OSBPL3: variants seen among roughly 807,000 people sequenced by gnomAD.
OSBPL3 encodes the protein oxysterol-binding protein-related protein 3.
A neutral mutation model predicts 120.1 loss-of-function variants in OSBPL3; 65 were observed. The ratio of observed to expected loss-of-function variants is 0.54; its 90% CI spans 0.44 to 0.67. The LOEUF (loss-of-function observed/expected upper bound fraction) is 0.67, where lower values mean the gene tolerates loss of function less well. Ranked by LOEUF, OSBPL3 falls within the 30% of genes least tolerant of loss-of-function variation. The probability of loss-of-function intolerance (pLI) is 0.00; values close to 1 mark genes in which losing one functional copy is unlikely to be tolerated. For synonymous variants in OSBPL3, 416 were observed against 402.6 expected (o/e 1.03, Z -0.40); for missense variants, 1,004 against 1,082.1 (o/e 0.93, Z 1.01).
At chr7:24,870,683 G>T in intron 5 of OSBPL3, 49 bp downstream of exon 5, 1 of 1,140,438 alleles carries the variant, frequency 8.8e-7, no homozygotes, top group Non-Finnish European at 1.3e-6. Context: ...AATAACTGAT[G>T]ATACTTCCCC....
chr7:24,981,151 A>G (rs1489240401), upstream of OSBPL3, among the ~76,000 whole-genome samples: 1 of 152,170 alleles, frequency 6.6e-6, no homozygotes, highest in Non-Finnish European at 1.5e-5. This position sits in a 1 kb window ranked among gnomAD's most constrained non-coding sequence, Gnocchi z 7.3. Context: ...AAGAGAAAAT[A>G]CATATCTATG....
rs749326073 is a variant in OSBPL3, at chr7:24,809,878, C to A, written c.2246G>T (p.Arg749Leu). ...GCTTTCATGCCATTTCCCAAACAGC[C>A]GATGAACCGCTTTTCCACTCCTGTC... ...VFDRSGKAVH[R>L]LFGKWHESIY... Residue 749 changes from arginine to leucine, a missense_variant, in exon 20 of 23, where the codon CGG (arginine) becomes CTG (leucine). Physicochemically the swap from Arg to Leu is moderately radical, Grantham distance 102. Around this residue, in one of 4 missense-constraint regions of OSBPL3, gnomAD observed 473 missense variants for 568.0 expected, o/e 0.83. Coordinates refer to ENST00000313367, the MANE Select transcript of OSBPL3 (RefSeq NM_015550.4). 3 of 1,614,006 alleles carry A rather than the reference C, an allele frequency of 1.9e-6. No homozygotes were observed. The highest frequency in any genetic ancestry group is 2.7e-5 in the African/African-American group (2 of 74,904).
chr7:24,914,784 G>A (rs1017333657), intron 1 of OSBPL3, among the ~76,000 whole-genome samples: 9 of 152,056 alleles, frequency 5.9e-5, no homozygotes, highest in African/African-American at 2.2e-4. Flanking sequence ...AGATCAGCAG[G>A]GTTTTTTAGT....
intron 11 of OSBPL3, among the ~76,000 whole-genome samples, chr7:24,850,908 A>G (rs1363458137): frequency 1.3e-5 from 2 of 152,248 alleles, no homozygotes; most frequent in African/African-American, 4.8e-5. Flanking sequence ...TCCAAGCCAA[A>G]AAGGAAAGAA....
In OSBPL3 at chr7:24,952,687, T is replaced by A. The variant is rs1487719781; in HGVS notation, c.-150+27199A>T. ...TCTTAACTGTGCATTACATCAACTC[T>A]ATAGAGATTATGGTAAGGTTATTTC... On this transcript the variant is annotated intron_variant, in intron 1 of 22. Coordinates refer to ENST00000313367, the MANE Select transcript of OSBPL3 (RefSeq NM_015550.4). The surrounding 1 kb of genome is among the most constrained non-coding windows in gnomAD (Gnocchi z 4.4). Among the ~76,000 whole-genome samples the A allele has an allele frequency of 1.3e-5, 2 of 152,188 alleles. No homozygotes were observed. Among genetic ancestry groups the A allele is most frequent in the Non-Finnish European group, 2.9e-5 (2 of 68,034 alleles).
chr7:24,929,586 C>A (rs1308958410), intron 1 of OSBPL3, among the ~76,000 whole-genome samples: 1 of 150,634 alleles, frequency 6.6e-6, no homozygotes, highest in Admixed American at 6.6e-5. Flanking sequence ...TGCTATAATT[C>A]TCTCCCAAAT....
intron 19 of OSBPL3, among the ~76,000 whole-genome samples, chr7:24,811,299 A>G (rs988983284): frequency 6.6e-6 from 1 of 152,152 alleles, no homozygotes; most frequent in Non-Finnish European, 1.5e-5. Context: ...TTCCTCATAT[A>G]TCTATTGGCC....
intron 1 of OSBPL3, among the ~76,000 whole-genome samples, chr7:24,905,900 C>A (rs191653124): frequency 6.6e-6 from 1 of 151,974 alleles, no homozygotes; most frequent in African/African-American, 2.4e-5. Context: ...AGTGTGGTGG[C>A]GGGGACCTGT....
At position 24,834,605 on chromosome 7, in the gene OSBPL3, C is replaced by T. The variant is rs769314791; in HGVS notation, c.1627G>A (p.Val543Met). The change falls in exon 15 of 23, where the codon GTG becomes ATG. Residue 543 changes from valine (V) to methionine (M), a missense_variant. Around this residue, in one of 4 missense-constraint regions of OSBPL3, gnomAD observed 473 missense variants for 568.0 expected, o/e 0.83. Coordinates refer to ENST00000313367, the MANE Select transcript of OSBPL3 (RefSeq NM_015550.4). This position sits in a 1 kb window ranked among gnomAD's most constrained non-coding sequence, Gnocchi z 5.2. ...TCGTTCAGCTCCACCGGCATGGCCACCTTGGACAGGTCCTTCCCGATGTTG... is the reference window on the plus strand; with the variant it reads ...TCGTTCAGCTCCACCGGCATGGCCATCTTGGACAGGTCCTTCCCGATGTTG... The part of the protein sequence containing the change: ...RNNIGKDLSK[V>M]AMPVELNEPL... The T allele has an allele frequency of 1.2e-6, 2 of 1,614,214 alleles. No individual in the cohort carries two copies. Among genetic ancestry groups the T allele is most frequent in the Non-Finnish European group, 1.7e-6 (2 of 1,180,036 alleles).
chr7:24,848,706 G>A (rs1798735111), intron 12 of OSBPL3, among the ~76,000 whole-genome samples: 1 of 152,100 alleles, frequency 6.6e-6, no homozygotes, highest in Non-Finnish European at 1.5e-5. Flanking sequence ...CCAAGATACT[G>A]CAGGTCAGAG....
rs1796642196 is a variant in OSBPL3, at chr7:24,833,554, A to G, written c.1746+932T>C. The stretch of plus-strand genomic sequence containing the variant: ...ATAATAGCATCCTCTATCAATGGGG[A>G]GTGTCGGCAGGGCTAGGTCTGTGAA... On this transcript the variant is annotated intron_variant, in intron 15 of 22. Coordinates refer to ENST00000313367, the MANE Select transcript of OSBPL3 (RefSeq NM_015550.4). This position sits in a 1 kb window ranked among gnomAD's most constrained non-coding sequence, Gnocchi z 4.4. Among the ~76,000 whole-genome samples, 1 of 152,168 alleles carries G rather than the reference A, an allele frequency of 6.6e-6. No individual in the cohort carries two copies. Among genetic ancestry groups the G allele is most frequent in the Non-Finnish European group, 1.5e-5 (1 of 68,028 alleles).
At chr7:24,979,089 G>A (rs1172953589) in intron 1 of OSBPL3, among the ~76,000 whole-genome samples, 1 of 152,158 alleles carries the variant, frequency 6.6e-6, no homozygotes, top group Non-Finnish European at 1.5e-5. Flanking sequence ...AGTACTTAAA[G>A]AATTTACCTG....
At position 24,862,017 on chromosome 7, in the gene OSBPL3, G is replaced by A. The variant is rs1800631012; in HGVS notation, c.871-248C>T. Among the ~76,000 whole-genome samples, 1 of 151,734 alleles carries A rather than the reference G, an allele frequency of 6.6e-6. No homozygotes were observed. The highest frequency in any genetic ancestry group is 2.4e-5 in the African/African-American group (1 of 41,284). ...TTCTCCTGCCTCAGCCTCCCAAGTA[G>A]CTGGGACTACAGGCGCCCGCCACCA... On this transcript the variant is annotated intron_variant, in intron 9 of 22. Coordinates refer to ENST00000313367, the MANE Select transcript of OSBPL3 (RefSeq NM_015550.4). This position sits in a 1 kb window ranked among gnomAD's most constrained non-coding sequence, Gnocchi z 4.4.
intron 1 of OSBPL3, 127 bp from the exon 2 acceptor site, chr7:24,892,748 G>T (rs532135015): frequency 7.9e-5 from 36 of 454,980 alleles, no homozygotes; most frequent in Non-Finnish European, 1.1e-4. Flanking sequence ...TATAGCAGGC[G>T]CCGAGAAGGA....
intron 12 of OSBPL3, among the ~76,000 whole-genome samples, chr7:24,847,059 C>CCAAAA (rs1798536800): frequency 9.4e-6 from 1 of 106,268 alleles, no homozygotes; most frequent in Non-Finnish European, 1.9e-5. Context: ...GACTCTGTCT[C>CCAAAA]AAAAAAAAAA....
At chr7:24,878,671 TTTTG>T (rs1322052394) in intron 2 of OSBPL3, among the ~76,000 whole-genome samples, 5 of 152,196 alleles carry the variant, frequency 3.3e-5, no homozygotes, top group Admixed American at 6.5e-5. Flanking sequence ...AGCTATGGTT[TTTTG>T]TTTGTTTGTT....
rs982221322 is a variant in OSBPL3 at position 24,813,617 on chromosome 7, G to A, written c.2172+1442C>T. 6.6e-6 allele frequency among the ~76,000 whole-genome samples: 1 copy of A among 152,114 alleles called. No individual in the cohort carries two copies. The highest frequency in any genetic ancestry group is 2.4e-5 in the African/African-American group (1 of 41,400). ...ATGTCTGTCTATAATCCAGTTTGAGGCTATAATAAAGACCCCAATCCACCT... is the reference window on the plus strand; with the variant it reads ...ATGTCTGTCTATAATCCAGTTTGAGACTATAATAAAGACCCCAATCCACCT... On this transcript the variant is annotated intron_variant, in intron 19 of 22. Coordinates refer to ENST00000313367, the MANE Select transcript of OSBPL3 (RefSeq NM_015550.4). The surrounding 1 kb of genome is among the most constrained non-coding windows in gnomAD (Gnocchi z 4.5).
At chr7:24,829,681 T>G (rs1796140151) in intron 16 of OSBPL3, among the ~76,000 whole-genome samples, 1 of 152,212 alleles carries the variant, frequency 6.6e-6, no homozygotes, top group South Asian at 2.1e-4. Flanking sequence ...TGGACGTGTT[T>G]GATTGCTACC....
intron 1 of OSBPL3, among the ~76,000 whole-genome samples, chr7:24,948,184 T>C (rs967714749): frequency 7.2e-5 from 11 of 152,204 alleles, no homozygotes; most frequent in Non-Finnish European, 1.0e-4. Flanking sequence ...CTGGGAATGA[T>C]AGCCTAAAAA....
Sources: gnomAD v4.1 joint callset for allele counts (sites outside exome capture counted in the v4.1 genomes callset) on GRCh38, gnomAD v4.1.1 for gene constraint, gnomAD v4.1.1 regional missense constraint, Gnocchi (gnomAD v3.1) non-coding constraint, MANE v1.5 for transcripts, NCBI Gene and HGNC (gene_info 2026-07-23, HGNC 2026-07-21) for gene names.